The following AHDC1 variants were observed in gnomAD, a reference collection of about 807,000 sequenced individuals.
AHDC1 encodes AT-hook DNA binding motif containing 1.
A neutral mutation model predicts 87.9 loss-of-function variants in AHDC1; 7 were observed. The ratio of observed to expected loss-of-function variants is 0.08; its 90% CI spans 0.05 to 0.15. The LOEUF is 0.15. AHDC1 is among the 10% of genes least tolerant of loss of function. The probability of loss-of-function intolerance (pLI) is 1.00; values close to 1 mark genes in which losing one functional copy is unlikely to be tolerated. For synonymous variants in AHDC1, 1,051 were observed against 1,006.8 expected, an observed-to-expected ratio of 1.04 and a Z score of -0.83; for missense variants, 1,841 against 2,253.2, an observed-to-expected ratio of 0.82 and a Z score of 3.70.
rs117472650 is a variant in AHDC1 at position 27,589,379 on chromosome 1, T to C, written c.-629+14018A>G. 3.3e-5 allele frequency among the ~76,000 whole-genome samples: 5 copies of C among 152,242 alleles called. No homozygotes were observed. The East Asian group carries it at 9.6e-4, about 29-fold the overall frequency. On this transcript the variant is annotated intron_variant, in intron 3 of 8. Transcript: ENST00000673934. The stretch of plus-strand genomic sequence containing the variant: ...TTTGTCTCTATATGTTTCTGGGCCT[T>C]TGTCTCAGTGTGTGTGGCTGGTGAT...
intron 3 of AHDC1, among the ~76,000 whole-genome samples, chr1:27,589,831 C>T (rs1244694700): frequency 4.6e-5 from 7 of 152,168 alleles, no homozygotes; most frequent in Admixed American, 3.3e-4. Context: ...AGGAGAGAAC[C>T]AACCCTTCAC....
chr1:27,550,593 T>C lies in AHDC1; in HGVS notation c.1523A>G (p.Glu508Gly), dbSNP rs765329004. The change falls in exon 8 of 9, where the codon GAG (glutamate) becomes GGG (glycine). Residue 508 changes from glutamate (E) to glycine (G), a missense_variant. Glu to Gly is a moderately conservative substitution (Grantham distance 98, BLOSUM62 -2). Transcript: ENST00000673934. ...LSSSLSVEGKELGLRVSAEPT... is the reference protein window; with the variant it reads ...LSSSLSVEGKGLGLRVSAEPT... ...CTCAGCCGACACGCGCAGGCCCAGC[T>C]CCTTGCCCTCCACGCTCAGGCTGCT... The C allele has an allele frequency of 1.2e-6, 2 of 1,613,790 alleles. No homozygotes were observed. Among genetic ancestry groups the C allele is most frequent in the Non-Finnish European group, 1.7e-6 (2 of 1,180,040 alleles).
intron 3 of AHDC1, among the ~76,000 whole-genome samples, chr1:27,573,279 G>A (rs1031096167): frequency 5.9e-5 from 9 of 152,130 alleles, no homozygotes; most frequent in African/African-American, 1.9e-4. Context: ...AACCTCCTTC[G>A]CTATGCAGGA....
At chr1:27,546,320 T>A (rs893728934) in intron 8 of AHDC1, among the ~76,000 whole-genome samples, 1 of 150,538 alleles carries the variant, frequency 6.6e-6, no homozygotes, top group Non-Finnish European at 1.5e-5. Context: ...TTTGGGGGCA[T>A]TTTCTGTCTT....
chr1:27,583,397 C>G (rs771497503), intron 3 of AHDC1, among the ~76,000 whole-genome samples: 25 of 152,216 alleles, frequency 1.6e-4, no homozygotes, highest in Non-Finnish European at 3.4e-4. Flanking sequence ...TCTCAAGATT[C>G]ACCTCTTCTG....
intron 3 of AHDC1, among the ~76,000 whole-genome samples, chr1:27,569,088 A>G (rs1210275540): frequency 1.5e-5 from 2 of 136,782 alleles, no homozygotes; most frequent in Non-Finnish European, 3.1e-5. Context: ...TCCCACCCCA[A>G]ATCATCTGGA....
chr1:27,570,981 A>C (rs2020540240), intron 3 of AHDC1, among the ~76,000 whole-genome samples: 1 of 150,488 alleles, frequency 6.6e-6, no homozygotes, highest in Admixed American at 6.6e-5. Flanking sequence ...AGACCCCCCC[A>C]CTCTCCCATC....
chr1:27,559,929 T>A (rs2019993125), intron 3 of AHDC1, among the ~76,000 whole-genome samples: 2 of 152,240 alleles, frequency 1.3e-5, no homozygotes, highest in African/African-American at 4.8e-5. Context: ...TGCATATCTG[T>A]CAAGGCTCAG....
At chr1:27,599,445 C>T (rs539086509) in intron 3 of AHDC1, among the ~76,000 whole-genome samples, 1 of 152,306 alleles carries the variant, frequency 6.6e-6, no homozygotes, top group South Asian at 2.1e-4. Flanking sequence ...CTGCCTGCTT[C>T]TCTCCCCAGG....
chr1:27,599,076 A>C (rs1382113485), intron 3 of AHDC1, among the ~76,000 whole-genome samples: 1 of 152,166 alleles, frequency 6.6e-6, no homozygotes, highest in Non-Finnish European at 1.5e-5. Flanking sequence ...TAGGATCATA[A>C]ATGAGGAAAG....
At chr1:27,581,353 A>T (rs555277006) in intron 3 of AHDC1, among the ~76,000 whole-genome samples, 3 of 151,978 alleles carry the variant, frequency 2.0e-5, no homozygotes, top group Non-Finnish European at 4.4e-5. Flanking sequence ...TTTAAAAAAA[A>T]TTTTTCTGGA....
chr1:27,552,102 G>A lies in AHDC1; in HGVS notation c.14C>T (p.Pro5Leu). The A allele has an allele frequency of 6.8e-7, 1 of 1,465,764 alleles. No homozygotes were observed. Among genetic ancestry groups the A allele is most frequent in the Non-Finnish European group, 9.0e-7 (1 of 1,109,726 alleles). 90.8% of individuals were successfully genotyped at this position (1,465,764 alleles called of 1,614,324 possible). The change falls in exon 8 of 9, where the codon CCC (proline) becomes CTC (leucine). Residue 5 changes from proline to leucine, a missense_variant. By Grantham distance (98) the Pro-to-Leu change is moderately conservative (BLOSUM62 -3). This residue lies in a region of AHDC1 where 142 missense variants were observed against 165.6 expected (regional missense o/e 0.86). Coordinates refer to ENST00000673934, the MANE Select transcript of AHDC1 (RefSeq NM_001371928.1). ...ACTGGAAGTCACCACCAGGCCCTGG[G>A]GCTTCACACGCATCCTGACCTTGTC... is the stretch of plus-strand genomic sequence containing the variant. MRVK[P>L]QGLVVTSSAV...
At chr1:27,594,820 G>A (rs763999484) in intron 3 of AHDC1, among the ~76,000 whole-genome samples, 19 of 152,150 alleles carry the variant, frequency 1.2e-4, no homozygotes, top group African/African-American at 2.2e-4. Flanking sequence ...AGGATTAGGC[G>A]GGGTATGTGA....
chr1:27,557,853 C>T (rs1388475007), intron 5 of AHDC1, among the ~76,000 whole-genome samples: 1 of 152,222 alleles, frequency 6.6e-6, no homozygotes, highest in African/African-American at 2.4e-5. Context: ...GCCCAGTCCA[C>T]TTACACAACT....
rs140833719 is a variant in AHDC1, at chr1:27,550,388, C to T, written c.1728G>A (p.Ala576=). The stretch of plus-strand genomic sequence containing the variant: ...TTACCTCTGGCATGGCCATGGTGGC[C>T]GCTGCCACAGTGGCTGCCTCGGCCG... ...VVAAEAATVA[A]ATMAMPEVKK... is the part of the protein sequence containing the mutation. The change falls in exon 8 of 9, where the codon GCG becomes GCA. Residue 576 remains alanine (A), a synonymous_variant. Transcript: ENST00000673934. The T allele has an allele frequency of 3.3e-4, 540 of 1,613,114 alleles. 1 individual carries two copies. The highest frequency in any genetic ancestry group is 2.3e-3 in the Middle Eastern group (14 of 6,084).
intron 3 of AHDC1, among the ~76,000 whole-genome samples, chr1:27,575,055 G>A (rs1188898100): frequency 1.3e-5 from 2 of 152,204 alleles, no homozygotes. Flanking sequence ...GCTGCATGCT[G>A]GGAGAAGACT....
In AHDC1 at chr1:27,550,577, C is replaced by A. The variant is rs2019482968; in HGVS notation, c.1539G>T (p.Val513=). Reference sequence around the variant, plus strand: ...TCAGCAGCGGGGTGGGCTCAGCCGACACGCGCAGGCCCAGCTCCTTGCCCT... The same window carrying A: ...TCAGCAGCGGGGTGGGCTCAGCCGAAACGCGCAGGCCCAGCTCCTTGCCCT... ...SVEGKELGLR[V]SAEPTPLLKM... The change falls in exon 8 of 9, where the codon GTG becomes GTT. Residue 513 remains valine (V), a synonymous_variant. Transcript: ENST00000673934. 6.2e-7 allele frequency: 1 copy of A among 1,613,624 alleles called. No homozygotes were observed. The highest frequency in any genetic ancestry group is 1.1e-5 in the South Asian group (1 of 91,090).
chr1:27,574,401 G>A (rs2088639820), intron 3 of AHDC1, among the ~76,000 whole-genome samples: 4 of 152,178 alleles, frequency 2.6e-5, no homozygotes, highest in Admixed American at 2.6e-4. Context: ...ATGTGCAGAT[G>A]CTATGCTAAC....
chr1:27,551,822 G>A lies in AHDC1; in HGVS notation c.294C>T (p.Pro98=). 1 of 1,612,056 alleles carries A rather than the reference G, an allele frequency of 6.2e-7. No individual in the cohort carries two copies. Among genetic ancestry groups the A allele is most frequent in the Non-Finnish European group, 8.5e-7 (1 of 1,179,790 alleles). ...AARPVSQARC[P]TPVGDGSSSR... is the part of the protein sequence containing the mutation. The stretch of plus-strand genomic sequence containing the variant: ...AGCTGCTGCCGTCTCCGACCGGTGT[G>A]GGGCAGCGGGCCTGTGAGACAGGAC... The change falls in exon 8 of 9, where the codon CCC becomes CCT. Residue 98 remains proline, a synonymous_variant. Transcript: ENST00000673934.
Sources: allele counts gnomAD v4.1 joint callset (sites outside exome capture counted in the v4.1 genomes callset), GRCh38; gene constraint gnomAD v4.1.1; regional missense constraint gnomAD v4.1.1; transcripts MANE v1.5; gene names NCBI Gene and HGNC (gene_info 2026-07-23, HGNC 2026-07-21).